Variants in BTBD7 observed in about 807,000 individuals in gnomAD.
The protein encoded by BTBD7 is BTB/POZ domain-containing protein 7.
BTBD7 carries 38 observed loss-of-function variants against 99.9 expected under a neutral mutation model. The observed-to-expected ratio is 0.38, with a 90% CI of 0.29 to 0.50. The LOEUF (loss-of-function observed/expected upper bound fraction) is 0.50, where lower values mean the gene tolerates loss of function less well. Ranked by LOEUF, BTBD7 falls within the 20% of genes least tolerant of loss-of-function variation. The pLI is 0.93. For synonymous variants in BTBD7, 520 were observed against 511.4 expected, an observed-to-expected ratio of 1.02 and a Z score of -0.23; for missense variants, 1,170 against 1,394.6, an observed-to-expected ratio of 0.84 and a Z score of 2.57.
chr14:93,248,264 A>C (rs747131634), intron 9 of BTBD7, among the ~76,000 whole-genome samples: 7 of 152,190 alleles, frequency 4.6e-5, no homozygotes, highest in Non-Finnish European at 7.3e-5. Context: ...GCCGGGACTT[A>C]AACCCAGTTC....
intron 10 of BTBD7, among the ~76,000 whole-genome samples, chr14:93,245,279 A>G (rs1274863762): frequency 6.6e-6 from 1 of 152,208 alleles, no homozygotes; most frequent in Non-Finnish European, 1.5e-5. Context: ...TATGATTCTA[A>G]GTGAAGTGGG....
chr14:93,300,254 G>GT (rs1218577542), intron 1 of BTBD7, among the ~76,000 whole-genome samples: 5 of 136,944 alleles, frequency 3.7e-5, no homozygotes, highest in Non-Finnish European at 4.8e-5. Flanking sequence ...TTCTTTCTTT[G>GT]TTCTTTTTTT....
chr14:93,303,164 T>C (rs1039611178), intron 1 of BTBD7, among the ~76,000 whole-genome samples: 1 of 152,210 alleles, frequency 6.6e-6, no homozygotes, highest in African/African-American at 2.4e-5. Context: ...GCTTGATCTA[T>C]AAAAAGATCT....
rs1327481422 is a variant in BTBD7 at position 93,332,818 on chromosome 14, AC to A, written c.-107+1del. The stretch of plus-strand genomic sequence containing the variant: ...GCCTCAGAGACACCAAGGGACACTC[AC>A]CCCGGAGGCTCCTCCCGCCGCTGCT... On this transcript the variant is annotated splice_donor_variant, in intron 1 of 10. Transcript: ENST00000334746. LOFTEE classifies it low-confidence loss of function (5UTR_SPLICE). 3.4e-6 allele frequency: 5 copies of A among 1,471,938 alleles called. No homozygotes were observed. The highest frequency in any genetic ancestry group is 2.4e-5 in the Admixed American group (1 of 42,182). The allele number at this position is 1,471,938 out of a possible 1,614,324, so 91.2% of individuals were successfully genotyped here.
Position 93,332,954 on chromosome 14 carries a change from CCCTCT to C in BTBD7, c.-246_-242del, listed in dbSNP as rs2053474303. 2.9e-6 allele frequency: 2 copies of C among 680,994 alleles called. No homozygotes were observed. Among genetic ancestry groups the C allele is most frequent in the Non-Finnish European group, 4.5e-6 (2 of 446,108 alleles). The allele number at this position is 680,994 out of a possible 1,614,324, so 42.2% of individuals were successfully genotyped here. A position where few individuals can be genotyped will look rare whatever the true frequency, so the allele number is the denominator to read the frequency against. On this transcript the variant is annotated 5_prime_UTR_variant, in exon 1 of 11. Coordinates refer to ENST00000334746, the MANE Select transcript of BTBD7 (RefSeq NM_001002860.4). ...CCTCCTCCCACCGCCGCCGCCGCCG[CCCTCT>C]CCTCTCCTGTCAGTGGCTCAGGCTC...
rs1433943883 is a variant in BTBD7 at position 93,239,201 on chromosome 14, C to A, written c.*3072G>T. 1 of 152,508 alleles carries A rather than the reference C, an allele frequency of 6.6e-6. No individual in the cohort carries two copies. The highest frequency in any genetic ancestry group is 2.4e-5 in the African/African-American group (1 of 41,402). 9.4% of individuals were successfully genotyped at this position (152,508 alleles called of 1,614,324 possible). On this transcript the variant is annotated 3_prime_UTR_variant, in exon 11 of 11. Coordinates refer to ENST00000334746, the MANE Select transcript of BTBD7 (RefSeq NM_001002860.4). ...ATTCATCAAAATCACAAAACTAAAACAATAACATAAGAAAAAAGACCAACA... is the reference window on the plus strand; with the variant it reads ...ATTCATCAAAATCACAAAACTAAAAAAATAACATAAGAAAAAAGACCAACA...
chr14:93,260,281 C>T lies in BTBD7; in HGVS notation c.1447+1321G>A, dbSNP rs185732502. Among the ~76,000 whole-genome samples, 16 of 152,128 alleles carry T rather than the reference C, an allele frequency of 1.1e-4. No homozygotes were observed. In the East Asian group the frequency reaches 2.9e-3, roughly 28 times the overall value. ...ATAAATTATATCTAAATAAAACTAT[C>T]GAAAGGTGACAGAAAAAGGAAATTG... On this transcript the variant is annotated intron_variant, in intron 5 of 10. Coordinates refer to ENST00000334746, the MANE Select transcript of BTBD7 (RefSeq NM_001002860.4).
At chr14:93,274,817 T>C (rs541149440) in intron 3 of BTBD7, among the ~76,000 whole-genome samples, 2 of 152,236 alleles carry the variant, frequency 1.3e-5, no homozygotes, top group Non-Finnish European at 2.9e-5. Context: ...AAAGAAGTAA[T>C]GTTATTTTTA....
chr14:93,315,973 T>G (rs1192118863), intron 1 of BTBD7, among the ~76,000 whole-genome samples: 1 of 148,172 alleles, frequency 6.7e-6, no homozygotes, highest in Admixed American at 6.8e-5. Flanking sequence ...TTTTTTGAGA[T>G]GGAGTTTTGC....
chr14:93,315,026 T>C (rs2053182407), intron 1 of BTBD7, among the ~76,000 whole-genome samples: 1 of 152,190 alleles, frequency 6.6e-6, no homozygotes, highest in Non-Finnish European at 1.5e-5. Context: ...TTGTCACAAA[T>C]GTTTAAATTT....
In BTBD7 at chr14:93,300,385, G is replaced by A. The variant is rs2052980334; in HGVS notation, c.-106-4228C>T. Reference sequence around the variant, plus strand: ...TGATTTTCCTGCCCCACCCTCCTGAGTAGCTAGGATTACAGGTGTGTGTCA... The same window carrying A: ...TGATTTTCCTGCCCCACCCTCCTGAATAGCTAGGATTACAGGTGTGTGTCA... On this transcript the variant is annotated intron_variant, in intron 1 of 10. Coordinates refer to ENST00000334746, the MANE Select transcript of BTBD7 (RefSeq NM_001002860.4). Among the ~76,000 whole-genome samples, 3 of 151,456 alleles carry A rather than the reference G, an allele frequency of 2.0e-5. 1 individual carries two copies. In the South Asian group the frequency reaches 6.2e-4, roughly 32 times the overall value.
intron 3 of BTBD7, among the ~76,000 whole-genome samples, chr14:93,278,575 C>A (rs1230492564): frequency 6.6e-6 from 1 of 152,130 alleles, no homozygotes; most frequent in Non-Finnish European, 1.5e-5. Flanking sequence ...ATCACAAGGA[C>A]CAGGATTCAA....
intron 3 of BTBD7, among the ~76,000 whole-genome samples, chr14:93,273,182 A>C (rs575063663): frequency 6.6e-6 from 1 of 152,316 alleles, no homozygotes; most frequent in East Asian, 1.9e-4. Flanking sequence ...TAGCATGACA[A>C]CACCAGGAGC....
In BTBD7 at chr14:93,284,903, A is replaced by C. The variant is rs376135106; in HGVS notation, c.1162+8955T>G. On this transcript the variant is annotated intron_variant, in intron 3 of 10. Coordinates refer to ENST00000334746, the MANE Select transcript of BTBD7 (RefSeq NM_001002860.4). ...GTGAAGAGTTTGTAGTCTATGAAAAATGACTTAAGTTTTAAAACAAAAGAT... is the reference window on the plus strand; with the variant it reads ...GTGAAGAGTTTGTAGTCTATGAAAACTGACTTAAGTTTTAAAACAAAAGAT... Among the ~76,000 whole-genome samples, 25 of 152,172 alleles carry C rather than the reference A, an allele frequency of 1.6e-4. No homozygotes were observed. In the East Asian group the frequency reaches 2.3e-3, roughly 14 times the overall value.
intron 1 of BTBD7, among the ~76,000 whole-genome samples, chr14:93,321,968 G>A (rs1007247324): frequency 6.6e-6 from 1 of 152,014 alleles, no homozygotes; most frequent in Non-Finnish European, 1.5e-5. Flanking sequence ...GAAGGCCCAC[G>A]GAGAGAACAA....
intron 3 of BTBD7, among the ~76,000 whole-genome samples, chr14:93,284,029 G>A (rs1430730844): frequency 6.6e-6 from 1 of 151,710 alleles, no homozygotes; most frequent in Non-Finnish European, 1.5e-5. Context: ...TTAACATTCT[G>A]AGTTATATAA....
intron 1 of BTBD7, chr14:93,332,456 G>T: frequency 6.3e-6 from 1 of 158,956 alleles, no homozygotes; most frequent in South Asian, 2.0e-4. Flanking sequence ...TCAGCGTCCT[G>T]GGAGCGACGG....
chr14:93,246,297 TTA>T lies in BTBD7; in HGVS notation c.2122-13_2122-12del, dbSNP rs2052309797. The T allele has an allele frequency of 5.8e-6, 8 of 1,379,564 alleles. No homozygotes were observed. Among genetic ancestry groups the T allele is most frequent in the Non-Finnish European group, 7.5e-6 (8 of 1,072,270 alleles). 85.5% of individuals were successfully genotyped at this position (1,379,564 alleles called of 1,614,324 possible). On this transcript the variant is annotated splice_polypyrimidine_tract_variant and intron_variant, in intron 9 of 10. Coordinates refer to ENST00000334746, the MANE Select transcript of BTBD7 (RefSeq NM_001002860.4). ...GAATTTGTGAGGATTCTAAAAAAGA[TTA>T]AAAAAAAAAAAAAAGGACATTTATT...
intron 8 of BTBD7, among the ~76,000 whole-genome samples, chr14:93,250,835 T>C (rs1329870686): frequency 6.6e-6 from 1 of 152,186 alleles, no homozygotes; most frequent in Non-Finnish European, 1.5e-5. Flanking sequence ...GCTTGGGAAA[T>C]TGGATCTCTA....
Sources: gnomAD v4.1 joint callset for allele counts (sites outside exome capture counted in the v4.1 genomes callset) on GRCh38, gnomAD v4.1.1 for gene constraint, MANE v1.5 for transcripts, NCBI Gene and HGNC (gene_info 2026-07-23, HGNC 2026-07-21) for gene names.